The following PDE11A variants were observed in gnomAD, a reference collection of about 807,000 sequenced individuals.
The protein encoded by PDE11A is dual 3',5'-cyclic-AMP and -GMP phosphodiesterase 11A.
A neutral mutation model predicts 100.5 loss-of-function variants in PDE11A; 100 were observed. The ratio of observed to expected loss-of-function variants is 1.00; its 90% CI spans 0.85 to 1.18. PDE11A has a LOEUF of 1.18. Ranked by LOEUF, PDE11A falls within the 50% of genes most tolerant of loss-of-function variation. The pLI, the probability that PDE11A is intolerant of heterozygous loss-of-function variation, is 0.00. For missense variants in PDE11A, 1,141 were observed against 1,152.6 expected (o/e 0.99, Z 0.15); for synonymous variants, 381 against 420.8 (o/e 0.91, Z 1.16).
rs537119262 is a variant in PDE11A, at chr2:178,037,437, T to C, written c.913-22977A>G. 2.6e-5 allele frequency among the ~76,000 whole-genome samples: 4 copies of C among 152,292 alleles called. No individual in the cohort carries two copies. In the East Asian group the frequency reaches 7.7e-4, roughly 29 times the overall value. On this transcript the variant is annotated intron_variant, in intron 1 of 19. Coordinates refer to ENST00000286063, the MANE Select transcript of PDE11A (RefSeq NM_016953.4). ...CACCATTGGTGGGAGTGTAAATTAG[T>C]TCAACCATTGTGGAAGATAATGTGG...
chr2:177,854,341 T>C (rs769689471), intron 5 of PDE11A, among the ~76,000 whole-genome samples: 12 of 152,108 alleles, frequency 7.9e-5, no homozygotes, highest in Non-Finnish European at 1.8e-4. Context: ...GGAAATTACA[T>C]ATGGGTAAGA....
chr2:177,704,072 T>C (rs544496933), intron 13 of PDE11A, among the ~76,000 whole-genome samples: 4 of 152,330 alleles, frequency 2.6e-5, no homozygotes, highest in African/African-American at 9.6e-5. Flanking sequence ...ACCAGACTAA[T>C]GCCATGAAAG....
At chr2:177,998,235 G>A in intron 2 of PDE11A, 1 of 829,652 alleles carries the variant, frequency 1.2e-6, no homozygotes, top group Non-Finnish European at 2.2e-6. Flanking sequence ...GACGTGTTTG[G>A]ATTCAGTTAG....
At chr2:178,091,771 T>C (rs894032117) in intron 2 of PDE11A, among the ~76,000 whole-genome samples, 4 of 44,412 alleles carry the variant, frequency 9.0e-5, no homozygotes, top group Non-Finnish European at 2.8e-4. Context: ...ATATTTGCTG[T>C]AAGTGGGTGG....
intron 3 of PDE11A, chr2:177,899,635 T>TAA (rs1182668282): frequency 6.1e-6 from 1 of 163,650 alleles, no homozygotes; most frequent in Non-Finnish European, 1.3e-5. Flanking sequence ...TTCAGATTCT[T>TAA]AAATATATAT....
chr2:177,788,931 T>C (rs1411100832), intron 9 of PDE11A, among the ~76,000 whole-genome samples: 1 of 152,098 alleles, frequency 6.6e-6, no homozygotes, highest in Non-Finnish European at 1.5e-5. Flanking sequence ...CAGGACCAGA[T>C]GGATTCACAG....
At chr2:178,093,548 A>G (rs2087449907) in intron 2 of PDE11A, among the ~76,000 whole-genome samples, 1 of 152,192 alleles carries the variant, frequency 6.6e-6, no homozygotes. Context: ...GAACATGGAG[A>G]AAGAGAAACA....
intron 2 of PDE11A, among the ~76,000 whole-genome samples, chr2:177,932,795 G>C (rs991683962): frequency 6.6e-6 from 1 of 150,508 alleles, no homozygotes; most frequent in African/African-American, 2.5e-5. Flanking sequence ...ATTCAACATA[G>C]CACTGGAGGT....
intron 13 of PDE11A, among the ~76,000 whole-genome samples, chr2:177,703,217 C>T (rs1198161052): frequency 6.6e-6 from 1 of 152,064 alleles, no homozygotes; most frequent in African/African-American, 2.4e-5. Context: ...ATTAATAAAG[C>T]TACCATTAGT....
intron 2 of PDE11A, among the ~76,000 whole-genome samples, chr2:178,084,846 T>C (rs922167486): frequency 6.6e-6 from 1 of 152,018 alleles, no homozygotes; most frequent in African/African-American, 2.4e-5. Flanking sequence ...AGGGAAAGTA[T>C]ACCTTCTCAT....
At chr2:177,848,469 T>C (rs2083640407) in intron 5 of PDE11A, among the ~76,000 whole-genome samples, 1 of 152,206 alleles carries the variant, frequency 6.6e-6, no homozygotes, top group African/African-American at 2.4e-5. Flanking sequence ...ATCCTTTATC[T>C]TGTTATTTTG....
intron 19 of PDE11A, among the ~76,000 whole-genome samples, chr2:177,654,703 C>T (rs968686560): frequency 1.3e-5 from 2 of 152,186 alleles, no homozygotes; most frequent in African/African-American, 4.8e-5. Context: ...TTTCTCCCAA[C>T]AGTCACTCTT....
chr2:177,736,177 G>A (rs1460100137), intron 10 of PDE11A, among the ~76,000 whole-genome samples: 1 of 152,080 alleles, frequency 6.6e-6, no homozygotes, highest in African/African-American at 2.4e-5. Flanking sequence ...GAGTACTCTA[G>A]AACCAGAAGG....
At chr2:177,635,706 T>C (rs531584790) in intron 19 of PDE11A, among the ~76,000 whole-genome samples, 2 of 152,272 alleles carry the variant, frequency 1.3e-5, no homozygotes, top group Admixed American at 6.5e-5. Flanking sequence ...GTGTCTTGAG[T>C]AGATAATCAA....
chr2:177,954,483 G>A (rs2085537884), intron 2 of PDE11A, among the ~76,000 whole-genome samples: 1 of 152,140 alleles, frequency 6.6e-6, no homozygotes, highest in Non-Finnish European at 1.5e-5. Context: ...AGATTCAATA[G>A]TTCTTGAAGT....
intron 19 of PDE11A, among the ~76,000 whole-genome samples, chr2:177,639,024 C>G (rs1028648677): frequency 2.0e-5 from 3 of 152,216 alleles, no homozygotes; most frequent in Non-Finnish European, 4.4e-5. Context: ...TCCCTGGGAA[C>G]TGTAACCTCT....
At chr2:177,720,648 G>T (rs920722368) in intron 12 of PDE11A, among the ~76,000 whole-genome samples, 21 of 152,118 alleles carry the variant, frequency 1.4e-4, no homozygotes, top group African/African-American at 5.1e-4. Context: ...CTTTACCAGA[G>T]TATGCAATGT....
chr2:177,714,957 T>C (rs2081414626), intron 12 of PDE11A, among the ~76,000 whole-genome samples: 1 of 152,166 alleles, frequency 6.6e-6, no homozygotes, highest in African/African-American at 2.4e-5. Flanking sequence ...TCCTCCACCG[T>C]CATTCAGGGG....
At chr2:177,970,771 C>T (rs1436764893) in intron 2 of PDE11A, among the ~76,000 whole-genome samples, 1 of 152,112 alleles carries the variant, frequency 6.6e-6, no homozygotes, top group Admixed American at 6.5e-5. Flanking sequence ...GGAGACACCA[C>T]CACTTCAAGA....
Sources: gnomAD v4.1 joint callset for allele counts (sites outside exome capture counted in the v4.1 genomes callset) on GRCh38, gnomAD v4.1.1 for gene constraint, MANE v1.5 for transcripts, NCBI Gene and HGNC (gene_info 2026-07-23, HGNC 2026-07-21) for gene names.